Variants in PCDHA13 observed in about 807,000 individuals in gnomAD.
PCDHA13 encodes the protein protocadherin alpha-13.
PCDHA13 carries 54 observed loss-of-function variants against 64.8 expected under a neutral mutation model. That is an observed-to-expected ratio of 0.83 (90% CI 0.67 to 1.04). The LOEUF is 1.04. Among genes scored for constraint, PCDHA13 ranks in the 50% least tolerant of loss-of-function variants. PCDHA13 has a pLI of 0.00. For missense variants in PCDHA13, 1,248 were observed against 1,254.3 expected (o/e 0.99, Z 0.08); for synonymous variants, 587 against 564.4 (o/e 1.04, Z -0.57).
At chr5:140,924,507 C>T (rs2081871616) in intron 1 of PCDHA13, among the ~76,000 whole-genome samples, 1 of 152,168 alleles carries the variant, frequency 6.6e-6, no homozygotes, top group African/African-American at 2.4e-5. Context: ...CAATCCCACT[C>T]TTAGTGTTAA....
At chr5:140,949,825 C>G (rs1321892793) in intron 1 of PCDHA13, among the ~76,000 whole-genome samples, 2 of 151,748 alleles carry the variant, frequency 1.3e-5, no homozygotes, top group African/African-American at 4.8e-5. Flanking sequence ...TATTTGTCCC[C>G]TCTGATTTTG....
intron 1 of PCDHA13, among the ~76,000 whole-genome samples, chr5:140,932,100 CTG>C (rs2088033860): frequency 6.6e-6 from 1 of 151,792 alleles, no homozygotes; most frequent in African/African-American, 2.4e-5. Context: ...GTTTTTATCT[CTG>C]TATTTCCAAT....
chr5:140,882,228 T>G lies in PCDHA13; in HGVS notation c.-41T>G. The G allele has an allele frequency of 6.4e-7, 1 of 1,564,682 alleles. No individual in the cohort carries two copies. The highest frequency in any genetic ancestry group is 8.7e-7 in the Non-Finnish European group (1 of 1,155,068). On this transcript the variant is annotated 5_prime_UTR_variant, in exon 1 of 4. Coordinates refer to ENST00000289272, the MANE Select transcript of PCDHA13 (RefSeq NM_018904.3). The stretch of plus-strand genomic sequence containing the variant: ...TGAGAGACAGTTTGAGGTAAGGCGT[T>G]GTATATATTGCAGATAGCTCTGAGG...
intron 1 of PCDHA13, among the ~76,000 whole-genome samples, chr5:140,932,536 T>G (rs1176427449): frequency 1.3e-5 from 2 of 151,940 alleles, no homozygotes. Flanking sequence ...TTCAAGGTGC[T>G]TTATTTAACA....
chr5:140,911,626 T>C (rs1436086231), intron 1 of PCDHA13, among the ~76,000 whole-genome samples: 5 of 152,180 alleles, frequency 3.3e-5, no homozygotes, highest in African/African-American at 1.2e-4. Context: ...TCCCCACATA[T>C]GGTCAAAGGT....
chr5:140,981,690 A>C (rs1410954672), intron 2 of PCDHA13, among the ~76,000 whole-genome samples: 1 of 150,712 alleles, frequency 6.6e-6, no homozygotes, highest in Non-Finnish European at 1.5e-5. Flanking sequence ...CCCTTCCATC[A>C]TTCATTCATT....
intron 1 of PCDHA13, among the ~76,000 whole-genome samples, chr5:140,896,969 CACAA>C (rs1554187153): frequency 2.0e-5 from 3 of 152,106 alleles, no homozygotes; most frequent in African/African-American, 7.2e-5. Context: ...TTATTCTTTG[CACAA>C]ACAAACCAGT....
At chr5:140,928,800 A>G (rs782641676) in intron 1 of PCDHA13, 6 of 1,614,098 alleles carry the variant, frequency 3.7e-6, no homozygotes, top group Non-Finnish European at 4.2e-6. Flanking sequence ...GGGTGGTGGT[A>G]GTGGTTCGGG....
rs782533520 is a variant in PCDHA13, at chr5:140,882,225, C to A, written c.-44C>A. 1.5e-5 allele frequency: 23 copies of A among 1,559,462 alleles called. No individual in the cohort carries two copies. Among genetic ancestry groups the A allele is most frequent in the Non-Finnish European group, 1.8e-5 (21 of 1,152,766 alleles). ...CCTTGAGAGACAGTTTGAGGTAAGG[C>A]GTTGTATATATTGCAGATAGCTCTG... On this transcript the variant is annotated 5_prime_UTR_variant, in exon 1 of 4. Coordinates refer to ENST00000289272, the MANE Select transcript of PCDHA13 (RefSeq NM_018904.3).
In PCDHA13 at chr5:140,979,814, T is replaced by C. The variant is rs1296773498; in HGVS notation, c.2453+807T>C. 3.3e-5 allele frequency among the ~76,000 whole-genome samples: 5 copies of C among 152,232 alleles called. No homozygotes were observed. The South Asian group carries it at 8.3e-4, about 25-fold the overall frequency. On this transcript the variant is annotated intron_variant, in intron 2 of 3. Transcript: ENST00000289272. The stretch of plus-strand genomic sequence containing the variant: ...CAAATGATCACAACTATCAAAAGGA[T>C]TTAATTTTAAAGAAGAAATAATCTT...
chr5:140,926,819 C>T, intron 1 of PCDHA13: 1 of 1,493,950 alleles, frequency 6.7e-7, no homozygotes. Context: ...CTCGTGCTCT[C>T]CAGGAGTCCG....
rs1341554668 is a variant in PCDHA13 at position 140,883,184 on chromosome 5, G to T, written c.916G>T (p.Gly306Cys). ...NPNNGEIRTK[G>C]KLDFEEKKLY... ...GAACAATGGAGAAATTAGGACAAAA[G>T]GCAAACTAGATTTCGAAGAAAAGAA... The change falls in exon 1 of 4, where the codon GGC (glycine) becomes TGC (cysteine). Residue 306 changes from glycine (G) to cysteine (C), a missense_variant. Gly to Cys is a radical substitution (Grantham distance 159). Transcript: ENST00000289272. 6.2e-6 allele frequency: 10 copies of T among 1,613,756 alleles called. No homozygotes were observed. Among genetic ancestry groups the T allele is most frequent in the Non-Finnish European group, 8.5e-6 (10 of 1,179,996 alleles).
chr5:140,942,120 A>G (rs2093234009), intron 1 of PCDHA13, among the ~76,000 whole-genome samples: 1 of 152,234 alleles, frequency 6.6e-6, no homozygotes, highest in South Asian at 2.1e-4. Flanking sequence ...ACTTTATTAA[A>G]GGTGATATTT....
chr5:140,896,386 C>T (rs575002506), intron 1 of PCDHA13, among the ~76,000 whole-genome samples: 1 of 152,124 alleles, frequency 6.6e-6, no homozygotes, highest in African/African-American at 2.4e-5. Context: ...TGCAACCTCA[C>T]CAGCATCTGT....
chr5:140,950,820 AG>A (rs1429119954), intron 1 of PCDHA13, among the ~76,000 whole-genome samples: 2 of 152,088 alleles, frequency 1.3e-5, no homozygotes, highest in Non-Finnish European at 2.9e-5. Context: ...GTAGGGTTAA[AG>A]TTTGGTCCTT....
At chr5:140,891,428 C>G (rs2063097176) in intron 1 of PCDHA13, among the ~76,000 whole-genome samples, 1 of 149,620 alleles carries the variant, frequency 6.7e-6, no homozygotes, top group Admixed American at 6.7e-5. Flanking sequence ...CCCCAAGTCC[C>G]CAACGTCCAT....
chr5:140,985,338 A>G (rs2153836548), intron 3 of PCDHA13, among the ~76,000 whole-genome samples: 1 of 152,280 alleles, frequency 6.6e-6, no homozygotes, highest in South Asian at 2.1e-4. Flanking sequence ...TCTCATTTGC[A>G]GGCCCAGATA....
rs921095598 is a variant in PCDHA13 at position 140,929,476 on chromosome 5, T to C, written c.2394+44814T>C. 1.0e-5 allele frequency: 13 copies of C among 1,254,174 alleles called. No individual in the cohort carries two copies. In the African/African-American group the frequency reaches 2.0e-4, roughly 19 times the overall value. 77.7% of individuals were successfully genotyped at this position (1,254,174 alleles called of 1,614,324 possible). On this transcript the variant is annotated intron_variant, in intron 1 of 3. Coordinates refer to ENST00000289272, the MANE Select transcript of PCDHA13 (RefSeq NM_018904.3). ...CTTCCTGTGCCAAGAAATCTGGAAG[T>C]ATAGAAGTATTAGAAGATTGCCCTA...
chr5:140,888,819 G>A (rs2061994549), intron 1 of PCDHA13, among the ~76,000 whole-genome samples: 1 of 151,908 alleles, frequency 6.6e-6, no homozygotes, highest in African/African-American at 2.4e-5. Context: ...TGTGATCTGT[G>A]ATCACATCAC....
Sources: gnomAD v4.1 joint callset for allele counts (sites outside exome capture counted in the v4.1 genomes callset) on GRCh38, gnomAD v4.1.1 for gene constraint, MANE v1.5 for transcripts, NCBI Gene and HGNC (gene_info 2026-07-23, HGNC 2026-07-21) for gene names.